The following CACNA2D3 variants were observed in gnomAD, a reference collection of about 807,000 sequenced individuals.
The protein encoded by CACNA2D3 is voltage-dependent calcium channel subunit alpha-2/delta-3.
A neutral mutation model predicts 160.6 loss-of-function variants in CACNA2D3; 60 were observed. The ratio of observed to expected loss-of-function variants is 0.37; its 90% CI spans 0.30 to 0.46. CACNA2D3 has a LOEUF of 0.46. Among genes scored for constraint, CACNA2D3 ranks in the 20% least tolerant of loss-of-function variants. The pLI is 1.00. For synonymous variants in CACNA2D3, 558 were observed against 492.9 expected (o/e 1.13, Z -1.75); for missense variants, 1,205 against 1,365.0 (o/e 0.88, Z 1.85).
intron 34 of CACNA2D3, among the ~76,000 whole-genome samples, chr3:55,017,104 T>C (rs965449103): frequency 6.6e-6 from 1 of 152,232 alleles, no homozygotes; most frequent in African/African-American, 2.4e-5. Flanking sequence ...ATTTTGGAAT[T>C]GAAATGTAAA....
intron 3 of CACNA2D3, among the ~76,000 whole-genome samples, chr3:54,340,781 C>T (rs1704500596): frequency 2.0e-5 from 3 of 152,140 alleles, no homozygotes; most frequent in Admixed American, 2.0e-4. Flanking sequence ...CCTGGTTTTC[C>T]ATGGAGATCT....
rs1175356452 is a variant in CACNA2D3, at chr3:54,896,751, ACTTCCT to A, written c.2250_2255del (p.Asp750_Leu752delinsGlu). 1.2e-6 allele frequency: 2 copies of A among 1,613,926 alleles called. No individual in the cohort carries two copies. Among genetic ancestry groups the A allele is most frequent in the Non-Finnish European group, 1.7e-6 (2 of 1,179,856 alleles). The stretch of plus-strand genomic sequence containing the variant: ...TTCTGATTCTTTTCCACTTCAAGGG[ACTTCCT>A]GAAAGCTGGCGACAAGGAGAACATT... On this transcript the variant is annotated inframe_deletion, in exon 26 of 38. Coordinates refer to ENST00000474759, the MANE Select transcript of CACNA2D3 (RefSeq NM_018398.3).
intron 28 of CACNA2D3, among the ~76,000 whole-genome samples, chr3:54,968,881 AC>A (rs1702212270): frequency 6.6e-6 from 1 of 151,938 alleles, no homozygotes. Context: ...AAATCTAGAA[AC>A]CCTTTACGTA....
At chr3:54,891,312 A>G (rs896129119) in intron 24 of CACNA2D3, 43 bp from the exon 25 acceptor site, 2 of 1,330,430 alleles carry the variant, frequency 1.5e-6, no homozygotes, top group Non-Finnish European at 2.2e-6. Context: ...TTATCTGCTT[A>G]CTGTCTAGAG....
At chr3:54,863,243 T>A (rs985251114) in intron 17 of CACNA2D3, among the ~76,000 whole-genome samples, 4 of 152,230 alleles carry the variant, frequency 2.6e-5, no homozygotes, top group African/African-American at 9.6e-5. Flanking sequence ...GAGACGGTTT[T>A]GTTTGCCTCT....
At chr3:54,320,360 T>C in intron 2 of CACNA2D3, 82 bp from the exon 3 acceptor site, 1 of 598,664 alleles carries the variant, frequency 1.7e-6, no homozygotes, top group Admixed American at 3.6e-5. Flanking sequence ...TATTTATTCC[T>C]TGTGGGTAGA....
chr3:54,677,402 T>C (rs1489014956), intron 11 of CACNA2D3, among the ~76,000 whole-genome samples: 1 of 152,178 alleles, frequency 6.6e-6, no homozygotes, highest in Admixed American at 6.5e-5. Context: ...AGGCAAAAAT[T>C]AGCTATCATC....
chr3:54,846,464 G>A lies in CACNA2D3; in HGVS notation c.1623G>A (p.Leu541=). 1 of 1,584,606 alleles carries A rather than the reference G, an allele frequency of 6.3e-7. No homozygotes were observed. Among genetic ancestry groups the A allele is most frequent in the East Asian group, 2.3e-5 (1 of 44,432 alleles). ...GYILTHPELR[L]LYEEGKKRRK... ...TCCTGACGCATCCGGAACTCAGGCT[G>A]CTGGTAAGAGAAATTATGTACTTCT... Residue 541 remains leucine (L), a synonymous_variant, in exon 17 of 38, where the codon CTG becomes CTA. Coordinates refer to ENST00000474759, the MANE Select transcript of CACNA2D3 (RefSeq NM_018398.3).
chr3:55,014,251 T>G (rs1703277352), intron 34 of CACNA2D3, among the ~76,000 whole-genome samples: 1 of 152,102 alleles, frequency 6.6e-6, no homozygotes, highest in Non-Finnish European at 1.5e-5. Flanking sequence ...GGTGGTGGTT[T>G]ACTGTGTGAG....
chr3:54,547,081 T>C (rs1702076734), intron 5 of CACNA2D3, among the ~76,000 whole-genome samples: 1 of 152,048 alleles, frequency 6.6e-6, no homozygotes, highest in South Asian at 2.1e-4. Context: ...TCTCATTTAA[T>C]TTGGCTTCAC....
At chr3:54,961,140 G>T (rs778602703) in intron 27 of CACNA2D3, among the ~76,000 whole-genome samples, 4 of 152,246 alleles carry the variant, frequency 2.6e-5, no homozygotes, top group Non-Finnish European at 5.9e-5. Context: ...ACTAAGGCAA[G>T]TTGGAATCCA....
intron 4 of CACNA2D3, among the ~76,000 whole-genome samples, chr3:54,491,621 C>G (rs1222885129): frequency 6.6e-6 from 1 of 152,112 alleles, no homozygotes; most frequent in Non-Finnish European, 1.5e-5. Context: ...GAGCAGAGTT[C>G]AGGAAATGAG....
At chr3:54,458,797 G>C (rs780540134) in intron 4 of CACNA2D3, among the ~76,000 whole-genome samples, 2 of 150,874 alleles carry the variant, frequency 1.3e-5, no homozygotes, top group African/African-American at 2.4e-5. Context: ...ATACTCTTAA[G>C]TTTTAGGGTA....
intron 4 of CACNA2D3, among the ~76,000 whole-genome samples, chr3:54,462,655 G>T (rs370716296): frequency 6.6e-6 from 1 of 151,828 alleles, no homozygotes; most frequent in East Asian, 1.9e-4. Context: ...CTTTTATTTT[G>T]AACCCATGTG....
chr3:54,157,791 T>TA (rs1237561659), intron 2 of CACNA2D3, among the ~76,000 whole-genome samples: 1 of 90,270 alleles, frequency 1.1e-5, no homozygotes, highest in Admixed American at 1.2e-4. Context: ...AAACTCCGTC[T>TA]AAAAAAAACA....
intron 4 of CACNA2D3, among the ~76,000 whole-genome samples, chr3:54,403,418 C>G (rs1699510716): frequency 6.7e-6 from 1 of 150,252 alleles, no homozygotes; most frequent in Non-Finnish European, 1.5e-5. Context: ...ATAAAAATAT[C>G]TTGAGACAAA....
At chr3:54,464,547 C>G (rs561339544) in intron 4 of CACNA2D3, among the ~76,000 whole-genome samples, 1 of 152,314 alleles carries the variant, frequency 6.6e-6, no homozygotes, top group African/African-American at 2.4e-5. Context: ...TAGCAATCAG[C>G]AAGACTCCGT....
intron 2 of CACNA2D3, among the ~76,000 whole-genome samples, chr3:54,193,107 C>A (rs2107339505): frequency 6.6e-6 from 1 of 152,290 alleles, no homozygotes; most frequent in African/African-American, 2.4e-5. Flanking sequence ...GAGAAGGGAA[C>A]TTTTGTTATC....
At chr3:55,051,110 A>G (rs1262474761) in intron 35 of CACNA2D3, among the ~76,000 whole-genome samples, 1 of 152,030 alleles carries the variant, frequency 6.6e-6, no homozygotes. Flanking sequence ...AGCTCGTCAA[A>G]GTCATTCTCC....
Sources: gnomAD v4.1 joint callset for allele counts (sites outside exome capture counted in the v4.1 genomes callset) on GRCh38, gnomAD v4.1.1 for gene constraint, MANE v1.5 for transcripts, NCBI Gene and HGNC (gene_info 2026-07-23, HGNC 2026-07-21) for gene names.